The following CNTNAP5 variants were observed in gnomAD, a reference collection of about 807,000 sequenced individuals.
CNTNAP5 encodes the protein contactin associated protein family member 5.
A neutral mutation model predicts 150.2 loss-of-function variants in CNTNAP5; 72 were observed. The ratio of observed to expected loss-of-function variants is 0.48; its 90% CI spans 0.40 to 0.58. The LOEUF (loss-of-function observed/expected upper bound fraction) is 0.58. Ranked by LOEUF, CNTNAP5 falls within the 20% of genes least tolerant of loss-of-function variation. CNTNAP5 has a pLI of 0.00. For missense variants in CNTNAP5, 1,636 were observed against 1,626.2 expected, an observed-to-expected ratio of 1.01 and a Z score of -0.10; for synonymous variants, 672 against 619.8, an observed-to-expected ratio of 1.08 and a Z score of -1.25.
chr2:124,205,980 TA>T (rs1685853225), intron 1 of CNTNAP5, among the ~76,000 whole-genome samples: 1 of 152,226 alleles, frequency 6.6e-6, no homozygotes, highest in Non-Finnish European at 1.5e-5. Context: ...CTCGGTGATT[TA>T]AAGTTTCGTT....
intron 1 of CNTNAP5, among the ~76,000 whole-genome samples, chr2:124,057,927 G>A (rs1276022401): frequency 6.6e-6 from 1 of 152,006 alleles, no homozygotes; most frequent in African/African-American, 2.4e-5. Flanking sequence ...TTGTATCAAA[G>A]TATCTCATAT....
At chr2:124,050,681 C>G (rs1681672549) in intron 1 of CNTNAP5, among the ~76,000 whole-genome samples, 2 of 152,084 alleles carry the variant, frequency 1.3e-5, no homozygotes, top group African/African-American at 4.8e-5. Flanking sequence ...GACACACTGG[C>G]AGGTGAGCTG....
chr2:124,104,982 C>A (rs1683143657), intron 1 of CNTNAP5, among the ~76,000 whole-genome samples: 1 of 152,062 alleles, frequency 6.6e-6, no homozygotes, highest in African/African-American at 2.4e-5. Context: ...AAACCAAGTC[C>A]CCTCCCTCGG....
intron 19 of CNTNAP5, among the ~76,000 whole-genome samples, chr2:124,838,109 C>A (rs1328577267): frequency 1.3e-5 from 2 of 152,060 alleles, no homozygotes; most frequent in Non-Finnish European, 2.9e-5. Flanking sequence ...AATGTAGCTT[C>A]AGAGGGATTA....
At chr2:124,625,185 C>T (rs1030958764) in intron 12 of CNTNAP5, among the ~76,000 whole-genome samples, 3 of 152,300 alleles carry the variant, frequency 2.0e-5, no homozygotes, top group African/African-American at 7.2e-5. Flanking sequence ...AAAACTCCTC[C>T]AGGAAGTAGC....
At chr2:124,476,641 T>C (rs1333771683) in intron 7 of CNTNAP5, among the ~76,000 whole-genome samples, 1 of 152,240 alleles carries the variant, frequency 6.6e-6, no homozygotes, top group Admixed American at 6.5e-5. Context: ...TATCTGACAA[T>C]GATTAAATTC....
At chr2:124,161,913 T>C (rs1442764378) in intron 1 of CNTNAP5, among the ~76,000 whole-genome samples, 1 of 152,200 alleles carries the variant, frequency 6.6e-6, no homozygotes, top group Non-Finnish European at 1.5e-5. Context: ...ATAGGTTCAA[T>C]GATATTTGAG....
intron 13 of CNTNAP5, among the ~76,000 whole-genome samples, chr2:124,681,091 C>A (rs1679057219): frequency 6.6e-6 from 1 of 151,020 alleles, no homozygotes; most frequent in Admixed American, 6.8e-5. Flanking sequence ...TTGAGACCAG[C>A]CTGGCCAACA....
At chr2:124,716,525 T>A (rs535078790) in intron 13 of CNTNAP5, among the ~76,000 whole-genome samples, 1 of 151,788 alleles carries the variant, frequency 6.6e-6, no homozygotes, top group Admixed American at 6.6e-5. Flanking sequence ...TCTAAATATC[T>A]TTAATAGAAT....
chr2:124,768,271 A>G (rs918856999), intron 16 of CNTNAP5, among the ~76,000 whole-genome samples: 11 of 131,222 alleles, frequency 8.4e-5, no homozygotes, highest in Non-Finnish European at 1.2e-4. Context: ...TACTGTATGT[A>G]TGTGTGTGTG....
Position 124,682,345 on chromosome 2 carries a change from C to T in CNTNAP5, c.2077+34387C>T, listed in dbSNP as rs549552960. The stretch of plus-strand genomic sequence containing the variant: ...TTTTGGTCATGCGCTGGAGTTAGCC[C>T]TGCTTCTCCCCAAACCAGCTGAGGT... On this transcript the variant is annotated intron_variant, in intron 13 of 23. Coordinates refer to ENST00000682447, the MANE Select transcript of CNTNAP5 (RefSeq NM_001367498.1). 1.7e-4 allele frequency among the ~76,000 whole-genome samples: 26 copies of T among 152,314 alleles called. No homozygotes were observed. In the South Asian group the frequency reaches 5.0e-3, roughly 29 times the overall value.
At chr2:124,583,395 C>T (rs1330741344) in intron 11 of CNTNAP5, among the ~76,000 whole-genome samples, 1 of 152,206 alleles carries the variant, frequency 6.6e-6, no homozygotes, top group African/African-American at 2.4e-5. Context: ...GCATCATTTC[C>T]CCTCACTGGA....
intron 21 of CNTNAP5, among the ~76,000 whole-genome samples, chr2:124,884,920 TGC>T (rs1313632889): frequency 6.6e-6 from 1 of 152,054 alleles, no homozygotes; most frequent in African/African-American, 2.4e-5. Context: ...TTGCTTTACT[TGC>T]GAGAGAATTG....
At chr2:124,474,037 A>G (rs1693581598) in intron 6 of CNTNAP5, among the ~76,000 whole-genome samples, 1 of 152,018 alleles carries the variant, frequency 6.6e-6, no homozygotes, top group African/African-American at 2.4e-5. Context: ...ATAACAATTC[A>G]GTGTATTTCC....
chr2:124,407,982 T>G (rs867427791), intron 3 of CNTNAP5, among the ~76,000 whole-genome samples: 6 of 152,256 alleles, frequency 3.9e-5, no homozygotes, highest in Middle Eastern at 6.8e-3. Flanking sequence ...TGGGTTCATC[T>G]CACTAGGGAG....
chr2:124,442,578 G>A (rs1454741706), intron 5 of CNTNAP5, among the ~76,000 whole-genome samples: 1 of 151,992 alleles, frequency 6.6e-6, no homozygotes, highest in Non-Finnish European at 1.5e-5. Flanking sequence ...AAGTACTTAG[G>A]GAAAACTAGA....
intron 19 of CNTNAP5, among the ~76,000 whole-genome samples, chr2:124,828,831 A>G (rs746705422): frequency 6.7e-6 from 1 of 150,126 alleles, no homozygotes; most frequent in African/African-American, 2.4e-5. Flanking sequence ...AGACTATAGA[A>G]TGAGGACTAT....
intron 17 of CNTNAP5, among the ~76,000 whole-genome samples, chr2:124,785,048 A>AG (rs1332977854): frequency 1.3e-5 from 2 of 151,200 alleles, no homozygotes; most frequent in African/African-American, 4.8e-5. Context: ...TGAGAAAAAA[A>AG]AAAAAAAAAC....
At chr2:124,848,752 C>A (rs562778372) in intron 19 of CNTNAP5, among the ~76,000 whole-genome samples, 3 of 152,016 alleles carry the variant, frequency 2.0e-5, no homozygotes, top group Admixed American at 1.3e-4. Flanking sequence ...TGATGAGTAG[C>A]GATATTGAGC....
Sources: gnomAD v4.1 joint callset for allele counts (sites outside exome capture counted in the v4.1 genomes callset) on GRCh38, gnomAD v4.1.1 for gene constraint, MANE v1.5 for transcripts, NCBI Gene and HGNC (gene_info 2026-07-23, HGNC 2026-07-21) for gene names.